ZNF507: variants seen among roughly 807,000 people sequenced by gnomAD.
ZNF507 encodes zinc finger protein 507.
In ZNF507, 29 loss-of-function variants were observed where a neutral mutation model predicts 80.0. That is an observed-to-expected ratio of 0.36 (90% CI 0.27 to 0.49). ZNF507 has a LOEUF of 0.49. ZNF507 is among the 20% of genes least tolerant of loss of function. The probability of loss-of-function intolerance (pLI) is 0.98; values close to 1 mark genes in which losing one functional copy is unlikely to be tolerated. For missense variants in ZNF507, 1,081 were observed against 1,152.2 expected (o/e 0.94, Z 0.90); for synonymous variants, 462 against 422.5 (o/e 1.09, Z -1.15).
intron 2 of ZNF507, among the ~76,000 whole-genome samples, chr19:32,349,615 G>A (rs138184390): frequency 2.9e-3 from 435 of 152,190 alleles, no homozygotes; most frequent in African/African-American, 9.0e-3. Flanking sequence ...TTTGCCTTGC[G>A]CCTTGCACAT....
rs112069020 is a variant in ZNF507, at chr19:32,354,048, A to G, written c.1218A>G (p.Glu406=). The G allele has an allele frequency of 5.1e-5, 82 of 1,614,156 alleles. 1 individual carries two copies. The African/African-American group carries it at 8.7e-4, about 17-fold the overall frequency. The change falls in exon 3 of 7, where the codon GAA becomes GAG. Residue 406 remains glutamate, a synonymous_variant. Coordinates refer to ENST00000355898, the MANE Select transcript of ZNF507 (RefSeq NM_001136156.2). ...TAGTGGAGCGATTGCCAAGTGCTGA[A>G]GAAACCCTTTCACAGAAGCGCTTCC... ...NVIVERLPSA[E]ETLSQKRFLM...
chr19:32,346,301 C>T (rs1967096977), intron 1 of ZNF507, among the ~76,000 whole-genome samples: 1 of 152,132 alleles, frequency 6.6e-6, no homozygotes, highest in African/African-American at 2.4e-5. Context: ...ATCACGGAGA[C>T]CATCAGGGAA....
chr19:32,363,857 G>A (rs895406517), intron 5 of ZNF507, among the ~76,000 whole-genome samples: 2 of 152,188 alleles, frequency 1.3e-5, no homozygotes, highest in Admixed American at 1.3e-4. Flanking sequence ...CCCAGGCAGA[G>A]TGCTGTCCCT....
chr19:32,350,385 A>G (rs1377558983), intron 2 of ZNF507, among the ~76,000 whole-genome samples: 2 of 152,232 alleles, frequency 1.3e-5, no homozygotes, highest in Non-Finnish European at 2.9e-5. Context: ...AGATACTTAC[A>G]TAAATGTTCA....
At chr19:32,356,800 C>T (rs1012350703) in intron 4 of ZNF507, 67 bp downstream of exon 4, 1 of 1,240,682 alleles carries the variant, frequency 8.1e-7, no homozygotes, top group Non-Finnish European at 1.2e-6. Flanking sequence ...CCTTAGTTGT[C>T]ATGGTTGGTT....
At position 32,383,326 on chromosome 19, in the gene ZNF507, T is replaced by A; in HGVS notation, c.*243T>A. On this transcript the variant is annotated 3_prime_UTR_variant, in exon 7 of 7. Coordinates refer to ENST00000355898, the MANE Select transcript of ZNF507 (RefSeq NM_001136156.2). Reference sequence around the variant, plus strand: ...CAAAGAGGAAGTAGAGGTGTAATCCTGTATTAACCCTCTGTCACCCCTTCT... The same window carrying A: ...CAAAGAGGAAGTAGAGGTGTAATCCAGTATTAACCCTCTGTCACCCCTTCT... 1 of 486,184 alleles carries A rather than the reference T, an allele frequency of 2.1e-6. No homozygotes were observed. Among genetic ancestry groups the A allele is most frequent in the Non-Finnish European group, 3.7e-6 (1 of 269,688 alleles). 30.1% of individuals were successfully genotyped at this position (486,184 alleles called of 1,614,324 possible).
intron 1 of ZNF507, among the ~76,000 whole-genome samples, chr19:32,346,263 C>T (rs1322480424): frequency 6.6e-6 from 1 of 152,100 alleles, no homozygotes; most frequent in African/African-American, 2.4e-5. Context: ...TATTACCATC[C>T]TCTGGAGATA....
At position 32,353,479 on chromosome 19, in the gene ZNF507, A is replaced by T; in HGVS notation, c.649A>T (p.Ser217Cys). Reference protein sequence around the residue: ...RNETIPDIPVSVDNLQTHTVQ... With the variant: ...RNETIPDIPVCVDNLQTHTVQ... The stretch of plus-strand genomic sequence containing the variant: ...TGAAACCATTCCAGATATCCCAGTA[A>T]GTGTGGACAATCTACAGACTCATAC... The change falls in exon 3 of 7, where the codon AGT becomes TGT. Residue 217 changes from serine (S) to cysteine (C), a missense_variant. Physicochemically the swap from Ser to Cys is moderately radical, Grantham distance 112 (BLOSUM62 -1). This residue lies in a region of ZNF507 where 275 missense variants were observed against 303.9 expected (regional missense o/e 0.90). Coordinates refer to ENST00000355898, the MANE Select transcript of ZNF507 (RefSeq NM_001136156.2). 6.2e-7 allele frequency: 1 copy of T among 1,614,244 alleles called. No homozygotes were observed. Among genetic ancestry groups the T allele is most frequent in the Non-Finnish European group, 8.5e-7 (1 of 1,180,042 alleles).
At position 32,382,830 on chromosome 19, in the gene ZNF507, C is replaced by G; in HGVS notation, c.2609C>G (p.Thr870Ser). Reference sequence around the variant, plus strand: ...TCATCTTCAGAACTGATGTCCCAGACTCCCAGTGAAGTTCTGGGTACCAAC... The same window carrying G: ...TCATCTTCAGAACTGATGTCCCAGAGTCCCAGTGAAGTTCTGGGTACCAAC... ...AVSSSELMSQTPSEVLGTNEN... is the reference protein window; with the variant it reads ...AVSSSELMSQSPSEVLGTNEN... The change falls in exon 7 of 7, where the codon ACT becomes AGT. Residue 870 changes from threonine to serine, a missense_variant. Transcript: ENST00000355898. The G allele has an allele frequency of 1.2e-6, 2 of 1,614,144 alleles. No homozygotes were observed. The highest frequency in any genetic ancestry group is 1.7e-6 in the Non-Finnish European group (2 of 1,180,028).
intron 5 of ZNF507, among the ~76,000 whole-genome samples, chr19:32,361,880 C>T: frequency 7.2e-6 from 1 of 138,824 alleles, no homozygotes; most frequent in Admixed American, 7.7e-5. Flanking sequence ...TTTCCTTTCC[C>T]TCCCCTCCCT....
At chr19:32,373,438 A>C (rs1967501544) in intron 5 of ZNF507, among the ~76,000 whole-genome samples, 1 of 152,342 alleles carries the variant, frequency 6.6e-6, no homozygotes, top group Admixed American at 6.5e-5. Flanking sequence ...GTCTCTTTGT[A>C]AGAGACTTAT....
intron 5 of ZNF507, among the ~76,000 whole-genome samples, chr19:32,372,620 A>C (rs1967489147): frequency 6.6e-6 from 1 of 152,072 alleles, no homozygotes; most frequent in Admixed American, 6.6e-5. Context: ...GAAGAACGGA[A>C]GAACTGAGGG....
At position 32,354,116 on chromosome 19, in the gene ZNF507, C is replaced by T; in HGVS notation, c.1286C>T (p.Thr429Ile). ...GAAGAAGGGAAGGACCTGAGCCTGA[C>T]AGAAGCTCAGATTGGGCGCGAAGGA... ...EMEEGKDLSL[T>I]EAQIGREGMD... Residue 429 changes from threonine (T) to isoleucine (I), a missense_variant, in exon 3 of 7, where the codon ACA becomes ATA. By Grantham distance (89) the Thr-to-Ile change is moderately conservative. Transcript: ENST00000355898. 1 of 1,613,594 alleles carries T rather than the reference C, an allele frequency of 6.2e-7. No homozygotes were observed.
At position 32,354,792 on chromosome 19, in the gene ZNF507, C is replaced by G. The variant is rs1402388989; in HGVS notation, c.1962C>G (p.Gly654=). Residue 654 remains glycine, a synonymous_variant, in exon 3 of 7, where the codon GGC becomes GGG. Coordinates refer to ENST00000355898, the MANE Select transcript of ZNF507 (RefSeq NM_001136156.2). ...GTCACTACACAAGTGGCAACAAGGGCTACATCAAGCAGCACTTACGAGTCC... is the reference window on the plus strand; with the variant it reads ...GTCACTACACAAGTGGCAACAAGGGGTACATCAAGCAGCACTTACGAGTCC... ...RLCHYTSGNK[G]YIKQHLRVHR... The G allele has an allele frequency of 3.7e-6, 6 of 1,614,084 alleles. No individual in the cohort carries two copies. The Admixed American group carries it at 8.3e-5, about 22-fold the overall frequency.
chr19:32,383,090 T>C lies in ZNF507; in HGVS notation c.*7T>C. 6.2e-7 allele frequency: 1 copy of C among 1,606,854 alleles called. No individual in the cohort carries two copies. The highest frequency in any genetic ancestry group is 1.3e-5 in the African/African-American group (1 of 74,858). Reference sequence around the variant, plus strand: ...AGCTCTAAACACAAATTAGGTGGAATAATGACTCGAGCAGGAAAGCAGTAG... The same window carrying C: ...AGCTCTAAACACAAATTAGGTGGAACAATGACTCGAGCAGGAAAGCAGTAG... On this transcript the variant is annotated 3_prime_UTR_variant, in exon 7 of 7. Transcript: ENST00000355898.
At chr19:32,374,847 G>C (rs1170582125) in intron 5 of ZNF507, among the ~76,000 whole-genome samples, 2 of 152,194 alleles carry the variant, frequency 1.3e-5, no homozygotes, top group African/African-American at 4.8e-5. Flanking sequence ...CTGCATAGCA[G>C]TGGGGATAGT....
intron 5 of ZNF507, among the ~76,000 whole-genome samples, chr19:32,374,848 T>C (rs1442842749): frequency 6.6e-6 from 1 of 152,190 alleles, no homozygotes; most frequent in African/African-American, 2.4e-5. Context: ...TGCATAGCAG[T>C]GGGGATAGTA....
At chr19:32,379,147 TCA>T (rs1483055796) in intron 5 of ZNF507, among the ~76,000 whole-genome samples, 1 of 152,166 alleles carries the variant, frequency 6.6e-6, no homozygotes, top group Non-Finnish European at 1.5e-5. Context: ...CGTGTGACAG[TCA>T]CAGATACAGA....
At chr19:32,374,478 T>C (rs1386531615) in intron 5 of ZNF507, among the ~76,000 whole-genome samples, 2 of 151,278 alleles carry the variant, frequency 1.3e-5, no homozygotes, top group Non-Finnish European at 1.5e-5. Flanking sequence ...TTCTTTCTTT[T>C]TTTTTTTTTT....
Sources: gnomAD v4.1 joint callset for allele counts (sites outside exome capture counted in the v4.1 genomes callset) on GRCh38, gnomAD v4.1.1 for gene constraint, gnomAD v4.1.1 regional missense constraint, MANE v1.5 for transcripts, NCBI Gene and HGNC (gene_info 2026-07-23, HGNC 2026-07-21) for gene names.